The following TMEM94 variants were observed in gnomAD, a reference collection of about 807,000 sequenced individuals.
TMEM94 encodes ER Mg2+ ATPase.
Under a neutral mutation model 158.6 loss-of-function variants are expected in TMEM94, and 81 were observed. The observed-to-expected ratio is 0.51, with a 90% confidence interval of 0.43 to 0.61. The LOEUF is 0.61. Ranked by LOEUF, TMEM94 falls within the 20% of genes least tolerant of loss-of-function variation. The probability of loss-of-function intolerance (pLI) is 0.00; values close to 1 mark genes in which losing one functional copy is unlikely to be tolerated. For synonymous variants in TMEM94, 751 were observed against 730.7 expected, an observed-to-expected ratio of 1.03 and a Z score of -0.45; for missense variants, 1,435 against 1,762.0, an observed-to-expected ratio of 0.81 and a Z score of 3.32.
rs1217028321 is a variant in TMEM94, at chr17:75,463,008, T to TAAA, written c.-107+6285_-107+6287dup. On this transcript the variant is annotated intron_variant, in intron 1 of 31. Transcript: ENST00000314256. ...GACATGTCTCCAAAAATAAAAAAAG[T>TAAA]AAAAAAAAAAAAAAAAAAAAAAAAA... Among the ~76,000 whole-genome samples, 3 of 5,682 alleles carry TAAA rather than the reference T, an allele frequency of 5.3e-4. 1 individual carries two copies. Among genetic ancestry groups the TAAA allele is most frequent in the Admixed American group, 9.7e-3 (2 of 206 alleles). The allele number at this position is 5,682 out of a possible 152,430, so 3.7% of individuals were successfully genotyped here.
chr17:75,480,298 A>G (rs2051060396), intron 2 of TMEM94, among the ~76,000 whole-genome samples: 1 of 152,184 alleles, frequency 6.6e-6, no homozygotes, highest in Admixed American at 6.5e-5. Flanking sequence ...GCAGCACGTA[A>G]TTACAGAATG....
Position 75,489,716 on chromosome 17 carries a change from C to G in TMEM94, c.954+54C>G. 1.4e-6 allele frequency: 2 copies of G among 1,462,316 alleles called. No individual in the cohort carries two copies. The highest frequency in any genetic ancestry group is 9.6e-7 in the Non-Finnish European group (1 of 1,044,750). 90.6% of individuals were successfully genotyped at this position (1,462,316 alleles called of 1,614,324 possible). A position where few individuals can be genotyped will look rare whatever the true frequency, so the allele number is the denominator to read the frequency against. On this transcript the variant is annotated intron_variant, in intron 9 of 31. Coordinates refer to ENST00000314256, the MANE Select transcript of TMEM94 (RefSeq NM_014738.6). The surrounding 1 kb of genome is among the most constrained non-coding windows in gnomAD (Gnocchi z 5.0). ...GCTTCCCTCCGACCCGCAGGGCTGG[C>G]TCTTCTCCTAGTACCCTGGCTGTCC... is the stretch of plus-strand genomic sequence containing the variant.
chr17:75,469,721 C>T (rs1182227591), intron 1 of TMEM94, among the ~76,000 whole-genome samples: 4 of 149,874 alleles, frequency 2.7e-5, no homozygotes, highest in Non-Finnish European at 4.4e-5. Context: ...GAAGCCGAGG[C>T]GGGCAGATCA....
intron 1 of TMEM94, among the ~76,000 whole-genome samples, chr17:75,471,448 C>G (rs1204391185): frequency 2.6e-5 from 4 of 151,854 alleles, no homozygotes; most frequent in Non-Finnish European, 2.9e-5. Flanking sequence ...TTCCGCGTAC[C>G]ATACTGTGGT....
At chr17:75,472,116 A>T (rs1472146730) in intron 2 of TMEM94, among the ~76,000 whole-genome samples, 187 bp downstream of exon 2, 2 of 152,260 alleles carry the variant, frequency 1.3e-5, no homozygotes, top group African/African-American at 4.8e-5. Context: ...TCACAGAGCT[A>T]TGAATAAAGG....
intron 1 of TMEM94, among the ~76,000 whole-genome samples, chr17:75,469,717 G>A (rs1026599913): frequency 8.0e-5 from 12 of 150,420 alleles, no homozygotes; most frequent in African/African-American, 2.7e-4. Flanking sequence ...TTGAGAAGCC[G>A]AGGCGGGCAG....
At chr17:75,457,349 C>G (rs1456012501) in intron 1 of TMEM94, 1 of 152,252 alleles carries the variant, frequency 6.6e-6, no homozygotes, top group East Asian at 1.9e-4. Flanking sequence ...TAAAGTGACT[C>G]CTGTGGAATG....
In TMEM94 at chr17:75,490,348, CTGG is replaced by C. The variant is rs1423740729; in HGVS notation, c.1071_1071+2del. The C allele has an allele frequency of 6.2e-7, 1 of 1,612,634 alleles. No individual in the cohort carries two copies. The highest frequency in any genetic ancestry group is 1.7e-5 in the Admixed American group (1 of 59,810). ...GATGAGCAAGGCCTCACCCAGCTCCCTGGTAGGTTTTTCCAAGGTGTCTGGGGG... is the reference window on the plus strand; with the variant it reads ...GATGAGCAAGGCCTCACCCAGCTCCCTAGGTTTTTCCAAGGTGTCTGGGGG... On this transcript the variant is annotated splice_donor_variant and coding_sequence_variant, in exon 10 of 32. Coordinates refer to ENST00000314256, the MANE Select transcript of TMEM94 (RefSeq NM_014738.6). LOFTEE classifies it high-confidence loss of function.
chr17:75,494,616 C>T lies in TMEM94; in HGVS notation c.2408-11C>T. On this transcript the variant is annotated splice_polypyrimidine_tract_variant and intron_variant, in intron 18 of 31. Coordinates refer to ENST00000314256, the MANE Select transcript of TMEM94 (RefSeq NM_014738.6). ...CCTGATCGGGCTGTGTCCTGTGTGTCCTGCCTGAAGAAGGGATCGGGGAGG... is the reference window on the plus strand; with the variant it reads ...CCTGATCGGGCTGTGTCCTGTGTGTTCTGCCTGAAGAAGGGATCGGGGAGG... 2 of 1,612,516 alleles carry T rather than the reference C, an allele frequency of 1.2e-6. No homozygotes were observed. The highest frequency in any genetic ancestry group is 1.7e-6 in the Non-Finnish European group (2 of 1,179,500).
At position 75,495,294 on chromosome 17, in the gene TMEM94, T is replaced by C; in HGVS notation, c.2739T>C (p.Asp913=). 1 of 1,608,564 alleles carries C rather than the reference T, an allele frequency of 6.2e-7. No homozygotes were observed. Among genetic ancestry groups the C allele is most frequent in the South Asian group, 1.1e-5 (1 of 90,754 alleles). The part of the protein sequence containing the change: ...LHDDLNQVSR[D]DAEGLLLMEE... ...CTTTTGTCCCCACAGTGTCCCGAGATGATGCAGAAGGGCTCCTCCTCATGG... is the reference window on the plus strand; with the variant it reads ...CTTTTGTCCCCACAGTGTCCCGAGACGATGCAGAAGGGCTCCTCCTCATGG... Residue 913 remains aspartate, a synonymous_variant, in exon 21 of 32, where the codon GAT becomes GAC. Transcript: ENST00000314256. This position sits in a 1 kb window ranked among gnomAD's most constrained non-coding sequence, Gnocchi z 5.6.
intron 23 of TMEM94, 61 bp from the exon 24 acceptor site, chr17:75,496,221 G>A (rs778674385): frequency 1.2e-6 from 2 of 1,605,756 alleles, no homozygotes; most frequent in Admixed American, 1.7e-5. Context: ...GGAGAAGAGG[G>A]TGGGGTGCCC....
intron 2 of TMEM94, among the ~76,000 whole-genome samples, chr17:75,478,172 C>G (rs1046661721): frequency 1.9e-4 from 3 of 15,984 alleles, no homozygotes; most frequent in Admixed American, 1.1e-3. Flanking sequence ...CCCGCCACTA[C>G]GCCCGGCTAA....
rs1448795886 is a variant in TMEM94 at position 75,476,617 on chromosome 17, T to C, written c.24+4688T>C. ...TCTCTCCTCTTCTCTCTCTCTCTCT[T>C]TTCACCCTCCCCGCTTTGAGGGAGG... On this transcript the variant is annotated intron_variant, in intron 2 of 31. Coordinates refer to ENST00000314256, the MANE Select transcript of TMEM94 (RefSeq NM_014738.6). 7 of 1,527,834 alleles carry C rather than the reference T, an allele frequency of 4.6e-6. 1 individual carries two copies. The African/African-American group carries it at 6.9e-5, about 15-fold the overall frequency. 94.6% of individuals were successfully genotyped at this position (1,527,834 alleles called of 1,614,324 possible).
In TMEM94 at chr17:75,498,448, G is replaced by C. The variant is rs372319205; in HGVS notation, c.3643G>C (p.Asp1215His). ...NCSSVMLPSN[D>H]DRAPAWFEDF... is the part of the protein sequence containing the mutation. Reference sequence around the variant, plus strand: ...GCCCATGCCTCACTTTGGCAGCAACGACGACAGGGCTCCAGCCTGGTTTGA... The same window carrying C: ...GCCCATGCCTCACTTTGGCAGCAACCACGACAGGGCTCCAGCCTGGTTTGA... The change falls in exon 29 of 32, where the codon GAC (aspartate) becomes CAC (histidine). Residue 1215 changes from aspartate (D) to histidine (H), a missense_variant. Physicochemically the swap from Asp to His is moderately conservative, Grantham distance 81. Coordinates refer to ENST00000314256, the MANE Select transcript of TMEM94 (RefSeq NM_014738.6). This position sits in a 1 kb window ranked among gnomAD's most constrained non-coding sequence, Gnocchi z 6.7. The C allele has an allele frequency of 1.9e-6, 3 of 1,587,658 alleles. No individual in the cohort carries two copies. In the African/African-American group the frequency reaches 4.0e-5, roughly 21 times the overall value.
Position 75,489,304 on chromosome 17 carries a change from C to T in TMEM94, c.803C>T (p.Ala268Val), listed in dbSNP as rs1224553774. ...ATGGCCCTGTCCCGACCAGTCACTG[C>T]CCTGGACAATGAGCGGTTCACAGTG... ...LDMALSRPVTALDNERFTVQS... is the reference protein window; with the variant it reads ...LDMALSRPVTVLDNERFTVQS... The change falls in exon 8 of 32, where the codon GCC (alanine) becomes GTC (valine). Residue 268 changes from alanine (A) to valine (V), a missense_variant. Coordinates refer to ENST00000314256, the MANE Select transcript of TMEM94 (RefSeq NM_014738.6). This position sits in a 1 kb window ranked among gnomAD's most constrained non-coding sequence, Gnocchi z 5.0. The T allele has an allele frequency of 6.2e-7, 1 of 1,614,190 alleles. No individual in the cohort carries two copies. The highest frequency in any genetic ancestry group is 2.2e-5 in the East Asian group (1 of 44,884).
rs1383569687 is a variant in TMEM94, at chr17:75,498,396, A to G, written c.3639-48A>G. 6.2e-7 allele frequency: 1 copy of G among 1,607,208 alleles called. No individual in the cohort carries two copies. Among genetic ancestry groups the G allele is most frequent in the Non-Finnish European group, 8.5e-7 (1 of 1,176,496 alleles). ...GCTTCCTCCCTCCCCACCCCAGCCT[A>G]CCTCCCTGCGGCCCTAGAGGGGCTG... On this transcript the variant is annotated intron_variant, in intron 28 of 31. Coordinates refer to ENST00000314256, the MANE Select transcript of TMEM94 (RefSeq NM_014738.6). The surrounding 1 kb of genome is among the most constrained non-coding windows in gnomAD (Gnocchi z 6.7).
intron 2 of TMEM94, among the ~76,000 whole-genome samples, chr17:75,475,908 G>T (rs137978059): frequency 6.6e-6 from 1 of 152,314 alleles, no homozygotes; most frequent in East Asian, 1.9e-4. Context: ...CCTTCCTTCT[G>T]TCAGCTGCCT....
At position 75,492,882 on chromosome 17, in the gene TMEM94, GGGTATTGCCAGGGCAT is replaced by G. The variant is rs761688771; in HGVS notation, c.1913-44_1913-29del. The G allele has an allele frequency of 6.3e-7, 1 of 1,590,934 alleles. No homozygotes were observed. The highest frequency in any genetic ancestry group is 1.1e-5 in the South Asian group (1 of 88,370). Reference sequence around the variant, plus strand: ...CTCACGGGACTTAATGGACCTGGCAGGGTATTGCCAGGGCATGGCCCTAAGTTCCTGTTCCCCGCCC... The same window carrying G: ...CTCACGGGACTTAATGGACCTGGCAGGGCCCTAAGTTCCTGTTCCCCGCCC... On this transcript the variant is annotated intron_variant, in intron 15 of 31. Transcript: ENST00000314256. This position sits in a 1 kb window ranked among gnomAD's most constrained non-coding sequence, Gnocchi z 4.4.
intron 1 of TMEM94, among the ~76,000 whole-genome samples, chr17:75,463,033 AAAAAATATATATATAT>A (rs1252057434): frequency 9.3e-3 from 48 of 5,168 alleles, no homozygotes; most frequent in Non-Finnish European, 0.014. Context: ...AAAAAAAAAA[AAAAAATATATATATAT>A]ATATATATAT....
Sources: allele counts gnomAD v4.1 joint callset (sites outside exome capture counted in the v4.1 genomes callset), GRCh38; gene constraint gnomAD v4.1.1; non-coding constraint Gnocchi (gnomAD v3.1); transcripts MANE v1.5; gene names NCBI Gene and HGNC (gene_info 2026-07-23, HGNC 2026-07-21).